KDM4B: variants seen among roughly 807,000 people sequenced by gnomAD.
KDM4B encodes lysine demethylase 4B.
A neutral mutation model predicts 125.2 loss-of-function variants in KDM4B; 32 were observed. The observed-to-expected ratio is 0.26, with a 90% confidence interval of 0.19 to 0.34. The LOEUF is 0.34. Ranked by LOEUF, KDM4B falls within the 10% of genes least tolerant of loss-of-function variation. The pLI, the probability that KDM4B is intolerant of heterozygous loss-of-function variation, is 1.00. For missense variants in KDM4B, 1,190 were observed against 1,577.7 expected (o/e 0.75, Z 4.16); for synonymous variants, 721 against 677.9 (o/e 1.06, Z -0.99).
At chr19:5,101,399 C>G (rs1599186422) in intron 9 of KDM4B, among the ~76,000 whole-genome samples, 1 of 149,160 alleles carries the variant, frequency 6.7e-6, no homozygotes, top group Non-Finnish European at 1.5e-5. Context: ...TGGCTCATGC[C>G]TGTAGTGCAG....
intron 8 of KDM4B, among the ~76,000 whole-genome samples, chr19:5,079,843 A>G (rs1238977643): frequency 9.1e-6 from 1 of 109,860 alleles, no homozygotes; most frequent in Non-Finnish European, 2.1e-5. Context: ...CTGGGATTAC[A>G]GGTGTGAGCA....
chr19:5,133,428 C>G (rs534020009), intron 13 of KDM4B, among the ~76,000 whole-genome samples: 2 of 152,316 alleles, frequency 1.3e-5, no homozygotes, highest in Admixed American at 1.3e-4. Context: ...GACAGTGTCT[C>G]TGAGTCTCGG....
At chr19:5,139,148 T>C (rs2146085957) in intron 18 of KDM4B, among the ~76,000 whole-genome samples, 1 of 152,326 alleles carries the variant, frequency 6.6e-6, no homozygotes, top group South Asian at 2.1e-4. Flanking sequence ...GGTTTGGAAC[T>C]CCTGGCCTTG....
Position 5,142,577 on chromosome 19 carries a change from G to C in KDM4B, c.2551-1390G>C, listed in dbSNP as rs941529987. 1.3e-5 allele frequency among the ~76,000 whole-genome samples: 2 copies of C among 152,082 alleles called. No individual in the cohort carries two copies. The highest frequency in any genetic ancestry group is 2.4e-5 in the African/African-American group (1 of 41,422). ...GTTTCTCCTGGGCCTGGGCCGAGGG[G>C]TGGAGGCCTGTGGGTGACGTGTTCA... On this transcript the variant is annotated intron_variant, in intron 18 of 22. Transcript: ENST00000159111. This position sits in a 1 kb window ranked among gnomAD's most constrained non-coding sequence, Gnocchi z 5.4.
chr19:5,138,665 C>A (rs1362942822), intron 18 of KDM4B, among the ~76,000 whole-genome samples: 5 of 151,910 alleles, frequency 3.3e-5, no homozygotes, highest in Non-Finnish European at 5.9e-5. Flanking sequence ...CAAAAAAAAA[C>A]AAACAATTGT....
intron 18 of KDM4B, among the ~76,000 whole-genome samples, chr19:5,138,830 G>A (rs565309060): frequency 2.0e-5 from 3 of 152,262 alleles, no homozygotes; most frequent in South Asian, 2.1e-4. Flanking sequence ...AGCTCCCTCC[G>A]CCCACCCCAG....
At chr19:5,028,231 C>T (rs545593809) in intron 2 of KDM4B, among the ~76,000 whole-genome samples, 55 of 152,324 alleles carry the variant, frequency 3.6e-4, no homozygotes, top group Non-Finnish European at 7.1e-4. Flanking sequence ...CCCGCCTCAG[C>T]CCCCCAGAGT....
At chr19:5,138,316 G>A (rs994353320) in intron 18 of KDM4B, 8 of 534,672 alleles carry the variant, frequency 1.5e-5, no homozygotes, top group Admixed American at 3.4e-5. Flanking sequence ...AGCAGGCCCC[G>A]TCAGGTGTGG....
intron 2 of KDM4B, 131 bp from the exon 3 acceptor site, chr19:5,032,735 C>A: frequency 1.3e-6 from 1 of 781,876 alleles, no homozygotes; most frequent in Non-Finnish European, 2.0e-6. Context: ...CACTCAGCCG[C>A]GAGGGCCCAG....
At position 5,032,946 on chromosome 19, in the gene KDM4B, G is replaced by A. The variant is rs748282025; in HGVS notation, c.56G>A (p.Arg19His). ...CCCAGCTGTAAAATCATGACGTTTCGCCCAACCATGGAAGAATTTAAAGAC... is the reference window on the plus strand; with the variant it reads ...CCCAGCTGTAAAATCATGACGTTTCACCCAACCATGGAAGAATTTAAAGAC... ...QNPSCKIMTF[R>H]PTMEEFKDFN... Residue 19 changes from arginine (R) to histidine (H), a missense_variant, in exon 3 of 23, where the codon CGC (arginine) becomes CAC (histidine). Physicochemically the swap from Arg to His is conservative, Grantham distance 29 (BLOSUM62 0). Transcript: ENST00000159111. The A allele has an allele frequency of 4.7e-5, 76 of 1,614,032 alleles. No individual in the cohort carries two copies. The highest frequency in any genetic ancestry group is 5.9e-5 in the Non-Finnish European group (70 of 1,180,036).
At chr19:5,111,699 C>T (rs185478520) in intron 10 of KDM4B, 104 of 749,080 alleles carry the variant, frequency 1.4e-4, no homozygotes, top group East Asian at 9.8e-4. Flanking sequence ...CCGGGAGGGA[C>T]GGCACAGAGT....
intron 9 of KDM4B, among the ~76,000 whole-genome samples, chr19:5,096,895 G>A (rs2038838100): frequency 6.6e-6 from 1 of 152,222 alleles, no homozygotes; most frequent in Non-Finnish European, 1.5e-5. Context: ...TGCCTTAATA[G>A]CTCAGAGAAG....
chr19:4,969,131 A>ACCGAGCGGGGCCCGGC lies in KDM4B; in HGVS notation c.-195_-180dup, dbSNP rs1236722462. The ACCGAGCGGGGCCCGGC allele has an allele frequency of 8.7e-5, 13 of 150,106 alleles. No homozygotes were observed. Among genetic ancestry groups the ACCGAGCGGGGCCCGGC allele is most frequent in the South Asian group, 2.1e-4 (1 of 4,782 alleles). The allele number at this position is 150,106 out of a possible 1,614,324, so 9.3% of individuals were successfully genotyped here. A position where few individuals can be genotyped will look rare whatever the true frequency, so the allele number is the denominator to read the frequency against. ...CTTGCGGAGGGCTCGGTCGCCAGCA[A>ACCGAGCGGGGCCCGGC]CCGAGCGGGGCCCGGCCCGAGCGGG... On this transcript the variant is annotated 5_prime_UTR_variant, in exon 1 of 23. Coordinates refer to ENST00000159111, the MANE Select transcript of KDM4B (RefSeq NM_015015.3).
intron 10 of KDM4B, chr19:5,113,215 C>G (rs1408548214): frequency 1.3e-5 from 2 of 152,224 alleles, no homozygotes; most frequent in African/African-American, 4.8e-5. Context: ...CCCGCCCTCT[C>G]CCGCGCCGCC....
intron 3 of KDM4B, among the ~76,000 whole-genome samples, chr19:5,037,309 C>T (rs895992704): frequency 1.3e-5 from 2 of 152,206 alleles, no homozygotes; most frequent in East Asian, 3.9e-4. Context: ...CTGTGGGTCT[C>T]TGACCATACC....
rs558342049 is a variant in KDM4B at position 5,033,151 on chromosome 19, C to T, written c.141+120C>T. The T allele has an allele frequency of 1.3e-5, 15 of 1,159,892 alleles. No individual in the cohort carries two copies. In the East Asian group the frequency reaches 1.4e-4, roughly 11 times the overall value. The allele number at this position is 1,159,892 out of a possible 1,614,324, so 71.9% of individuals were successfully genotyped here. A position where few individuals can be genotyped will look rare whatever the true frequency, so the allele number is the denominator to read the frequency against. ...TGGCCTGTGCACGTGGAATGTGTTT[C>T]GGGGCCACTCCCAGCTCGTTTACCA... On this transcript the variant is annotated intron_variant, in intron 3 of 22. Coordinates refer to ENST00000159111, the MANE Select transcript of KDM4B (RefSeq NM_015015.3).
intron 1 of KDM4B, among the ~76,000 whole-genome samples, chr19:4,972,551 T>C (rs1297010758): frequency 6.6e-6 from 1 of 152,166 alleles, no homozygotes; most frequent in Non-Finnish European, 1.5e-5. Context: ...ACAATATCCC[T>C]GACCACCACC....
intron 1 of KDM4B, among the ~76,000 whole-genome samples, chr19:5,009,018 A>C (rs976343155): frequency 6.7e-6 from 1 of 149,656 alleles, no homozygotes; most frequent in South Asian, 2.1e-4. Context: ...AGGTTCAAGT[A>C]ATTCTCCTGC....
chr19:5,070,781 G>T (rs2037921618), intron 6 of KDM4B: 2 of 480,760 alleles, frequency 4.2e-6, no homozygotes, highest in Admixed American at 3.8e-5. Flanking sequence ...AAGCCACCGA[G>T]CCATGGTCCT....
Sources: allele counts gnomAD v4.1 joint callset (sites outside exome capture counted in the v4.1 genomes callset), GRCh38; gene constraint gnomAD v4.1.1; non-coding constraint Gnocchi (gnomAD v3.1); transcripts MANE v1.5; gene names NCBI Gene and HGNC (gene_info 2026-07-23, HGNC 2026-07-21).